Variants in PIP5K1B observed in about 807,000 individuals in gnomAD.
PIP5K1B encodes the protein phosphatidylinositol 4-phosphate 5-kinase type-1 beta.
Under a neutral mutation model 67.0 loss-of-function variants are expected in PIP5K1B, and 42 were observed. That is an observed-to-expected ratio of 0.63 (90% CI 0.49 to 0.81). The LOEUF is 0.81. Among genes scored for constraint, PIP5K1B ranks in the 30% least tolerant of loss-of-function variants. The probability of loss-of-function intolerance (pLI) is 0.00; values close to 1 mark genes in which losing one functional copy is unlikely to be tolerated. For missense variants in PIP5K1B, 459 were observed against 646.3 expected (o/e 0.71, Z 3.14); for synonymous variants, 214 against 231.4 (o/e 0.92, Z 0.68).
In PIP5K1B at chr9:68,940,806, G is replaced by A. The variant is rs779914383; in HGVS notation, c.1502+16G>A. 9 of 1,611,954 alleles carry A rather than the reference G, an allele frequency of 5.6e-6. No homozygotes were observed. The highest frequency in any genetic ancestry group is 1.7e-5 in the Admixed American group (1 of 59,974). On this transcript the variant is annotated intron_variant, in intron 14 of 15. Coordinates refer to ENST00000265382, the MANE Select transcript of PIP5K1B (RefSeq NM_003558.4). ...ATTCAAACAGGTAATACTTAGTGCA[G>A]TCAAATAACCCATCAGGCTGTTACC...
At chr9:68,715,482 C>T (rs4744685) in intron 1 of PIP5K1B, among the ~76,000 whole-genome samples, 105,397 of 152,118 alleles carry the variant, frequency 0.69, 37,011 homozygotes, top group African/African-American at 0.8. Flanking sequence ...TTCTCAGCAT[C>T]GGTCGACCAC....
At chr9:68,706,579 G>A (rs1240777136) in intron 1 of PIP5K1B, among the ~76,000 whole-genome samples, 3 of 152,132 alleles carry the variant, frequency 2.0e-5, no homozygotes, top group Non-Finnish European at 4.4e-5. Flanking sequence ...TGAAATCAGG[G>A]CTCCGAACAA....
At chr9:68,918,814 G>T (rs936753621) in intron 9 of PIP5K1B, among the ~76,000 whole-genome samples, 1 of 152,036 alleles carries the variant, frequency 6.6e-6, no homozygotes, top group Non-Finnish European at 1.5e-5. Context: ...CCAATAATCA[G>T]TTAAATTATC....
intron 1 of PIP5K1B, among the ~76,000 whole-genome samples, chr9:68,735,604 G>A (rs1449648503): frequency 1.3e-5 from 2 of 152,088 alleles, no homozygotes; most frequent in Non-Finnish European, 2.9e-5. Flanking sequence ...TGGCCGAGCT[G>A]GTCTCGAACT....
rs1455592021 is a variant in PIP5K1B, at chr9:68,981,144, G to GT, written c.1503-9990dup. The stretch of plus-strand genomic sequence containing the variant: ...AAAGTAGAGATAAAAGTTGTTCGGT[G>GT]TTTTTTAAGTGTGTCTAATATAAAG... On this transcript the variant is annotated intron_variant, in intron 14 of 15. Transcript: ENST00000265382. Among the ~76,000 whole-genome samples the GT allele has an allele frequency of 6.4e-4, 97 of 152,274 alleles. 1 individual carries two copies. Among genetic ancestry groups the GT allele is most frequent in the Non-Finnish European group, 2.9e-5 (2 of 68,010 alleles).
chr9:68,937,564 G>A (rs1487624775), intron 13 of PIP5K1B, among the ~76,000 whole-genome samples: 2 of 152,036 alleles, frequency 1.3e-5, no homozygotes, highest in African/African-American at 4.8e-5. Flanking sequence ...GCTCCTGGAT[G>A]CATTGATTTT....
chr9:68,831,130 A>G (rs998270631), intron 4 of PIP5K1B, among the ~76,000 whole-genome samples: 2 of 152,376 alleles, frequency 1.3e-5, no homozygotes, highest in South Asian at 2.1e-4. Flanking sequence ...CGTAGGGAAC[A>G]TACCTTGTGC....
At chr9:68,875,195 G>A (rs1377352253) in intron 5 of PIP5K1B, among the ~76,000 whole-genome samples, 2 of 147,838 alleles carry the variant, frequency 1.4e-5, no homozygotes, top group African/African-American at 2.5e-5. Context: ...GTGTGTAGCC[G>A]GGCTGCTGCC....
chr9:68,741,371 C>T (rs1828998457), intron 1 of PIP5K1B, among the ~76,000 whole-genome samples: 1 of 152,120 alleles, frequency 6.6e-6, no homozygotes, highest in African/African-American at 2.4e-5. Context: ...ATGCACTCTC[C>T]AAACTAAGCA....
chr9:68,739,075 C>T (rs188608814), intron 1 of PIP5K1B, among the ~76,000 whole-genome samples: 6 of 152,302 alleles, frequency 3.9e-5, no homozygotes, highest in Admixed American at 2.0e-4. Context: ...ATTTGATCAT[C>T]GACTGTTTCT....
intron 4 of PIP5K1B, among the ~76,000 whole-genome samples, chr9:68,861,129 A>G (rs1277377647): frequency 6.6e-6 from 1 of 152,236 alleles, no homozygotes; most frequent in African/African-American, 2.4e-5. Flanking sequence ...TACTTTTATT[A>G]TTTCTCCCAT....
chr9:68,986,457 A>G (rs1317618791), intron 14 of PIP5K1B, among the ~76,000 whole-genome samples: 1 of 152,092 alleles, frequency 6.6e-6, no homozygotes, highest in Non-Finnish European at 1.5e-5. Flanking sequence ...TTGCTAAGTT[A>G]TAAGAGTTCT....
chr9:68,999,492 G>A (rs565979985), intron 15 of PIP5K1B, among the ~76,000 whole-genome samples: 2 of 152,336 alleles, frequency 1.3e-5, no homozygotes, highest in East Asian at 3.9e-4. Flanking sequence ...ATGACTATAT[G>A]AACAGAGTCA....
chr9:68,965,310 G>A (rs1828964166), intron 14 of PIP5K1B, among the ~76,000 whole-genome samples: 1 of 152,118 alleles, frequency 6.6e-6, no homozygotes, highest in African/African-American at 2.4e-5. Flanking sequence ...GTGAAGATGG[G>A]GGCAGAGGGT....
At chr9:68,772,842 G>A (rs567815578) in intron 2 of PIP5K1B, among the ~76,000 whole-genome samples, 1 of 152,296 alleles carries the variant, frequency 6.6e-6, no homozygotes, top group African/African-American at 2.4e-5. Flanking sequence ...TAAGAGTAGT[G>A]GAAAACGGGT....
At chr9:68,737,909 C>T (rs1828816358) in intron 1 of PIP5K1B, among the ~76,000 whole-genome samples, 3 of 152,128 alleles carry the variant, frequency 2.0e-5, no homozygotes, top group Admixed American at 2.0e-4. Flanking sequence ...AAGATAATGC[C>T]AAAGACATCA....
intron 2 of PIP5K1B, among the ~76,000 whole-genome samples, chr9:68,809,617 T>A (rs558884516): frequency 6.6e-6 from 1 of 152,332 alleles, no homozygotes; most frequent in East Asian, 1.9e-4. Context: ...ACTCATGATC[T>A]CTGAGTACAC....
intron 8 of PIP5K1B, among the ~76,000 whole-genome samples, chr9:68,911,111 C>T (rs1170331425): frequency 2.0e-5 from 3 of 152,164 alleles, no homozygotes; most frequent in Non-Finnish European, 2.9e-5. Flanking sequence ...TGGTGGCTCA[C>T]GCCTGTAATC....
chr9:68,848,547 A>G (rs1380481946), intron 4 of PIP5K1B, among the ~76,000 whole-genome samples: 1 of 152,234 alleles, frequency 6.6e-6, no homozygotes, highest in East Asian at 1.9e-4. Flanking sequence ...AATTGTGAAT[A>G]TGGGTGTAAA....
Sources: allele counts gnomAD v4.1 joint callset (sites outside exome capture counted in the v4.1 genomes callset), GRCh38; gene constraint gnomAD v4.1.1; transcripts MANE v1.5; gene names NCBI Gene and HGNC (gene_info 2026-07-23, HGNC 2026-07-21).